Variants in TASOR observed in about 807,000 individuals in gnomAD.
TASOR encodes the protein protein TASOR.
In TASOR, 53 loss-of-function variants were observed where a neutral mutation model predicts 178.6. The ratio of observed to expected loss-of-function variants is 0.30; its 90% CI spans 0.24 to 0.37. The LOEUF is 0.37. TASOR is among the 10% of genes least tolerant of loss of function. The pLI is 1.00. For missense variants in TASOR, 1,815 were observed against 1,971.4 expected (o/e 0.92, Z 1.50); for synonymous variants, 713 against 696.2 (o/e 1.02, Z -0.38).
chr3:56,623,706 G>A, intron 23 of TASOR, 140 bp from the exon 24 acceptor site: 3 of 1,542,226 alleles, frequency 1.9e-6, no homozygotes, highest in Non-Finnish European at 2.6e-6. Context: ...TCTGCCACAA[G>A]TTCACTTAGT....
At chr3:56,634,421 A>C (rs1286779861) in intron 17 of TASOR, among the ~76,000 whole-genome samples, 1 of 152,244 alleles carries the variant, frequency 6.6e-6, no homozygotes, top group African/African-American at 2.4e-5. Flanking sequence ...AATACCAAAC[A>C]GAAATGCTGT....
intron 2 of TASOR, among the ~76,000 whole-genome samples, chr3:56,673,107 A>G (rs549672702): frequency 2.6e-5 from 4 of 152,344 alleles, no homozygotes; most frequent in African/African-American, 9.6e-5. Context: ...CACCATGCTC[A>G]GCTGAATTTA....
chr3:56,621,774 T>C lies in TASOR; in HGVS notation c.*1263A>G. 2 of 393,722 alleles carry C rather than the reference T, an allele frequency of 5.1e-6. No homozygotes were observed. The highest frequency in any genetic ancestry group is 6.2e-5 in the South Asian group (1 of 16,006). The allele number at this position is 393,722 out of a possible 1,614,324, so 24.4% of individuals were successfully genotyped here. On this transcript the variant is annotated 3_prime_UTR_variant, in exon 24 of 24. Coordinates refer to ENST00000683822, the MANE Select transcript of TASOR (RefSeq NM_001365635.2). ...ACTATGTAGTAAAATGCTGTACTTG[T>C]TCTATACAATAAAACAGATACTTCT...
chr3:56,678,658 TATC>T (rs2031533120), intron 1 of TASOR, among the ~76,000 whole-genome samples: 1 of 152,180 alleles, frequency 6.6e-6, no homozygotes, highest in South Asian at 2.1e-4. Flanking sequence ...CAAAAAATAT[TATC>T]ATATATACAT....
At chr3:56,675,717 T>A (rs1313017169) in intron 1 of TASOR, among the ~76,000 whole-genome samples, 1 of 152,176 alleles carries the variant, frequency 6.6e-6, no homozygotes, top group Non-Finnish European at 1.5e-5. Flanking sequence ...CACTATTTAA[T>A]AAGGGTCAAG....
At chr3:56,663,492 T>C in intron 8 of TASOR, 49 bp downstream of exon 8, 1 of 950,292 alleles carries the variant, frequency 1.1e-6, no homozygotes, top group Non-Finnish European at 1.5e-6. Context: ...TTTTGCTATA[T>C]GTACTTATTC....
chr3:56,672,741 CTTCA>C (rs1179630841), intron 2 of TASOR, among the ~76,000 whole-genome samples: 1 of 152,164 alleles, frequency 6.6e-6, no homozygotes, highest in Non-Finnish European at 1.5e-5. Flanking sequence ...ATATATTTGA[CTTCA>C]TTAATTACCT....
chr3:56,680,706 T>C (rs1272547574), intron 1 of TASOR, among the ~76,000 whole-genome samples: 1 of 152,200 alleles, frequency 6.6e-6, no homozygotes, highest in Non-Finnish European at 1.5e-5. Flanking sequence ...TTTAAATCGC[T>C]ATTTTACTAT....
chr3:56,666,156 A>C, intron 7 of TASOR, 104 bp downstream of exon 7: 1 of 1,071,042 alleles, frequency 9.3e-7, no homozygotes, highest in South Asian at 3.6e-5. Context: ...GGAAGTTAAA[A>C]AAAAAAAAAT....
At chr3:56,623,889 T>C (rs976938290) in intron 23 of TASOR, 2 of 1,498,758 alleles carry the variant, frequency 1.3e-6, no homozygotes, top group African/African-American at 1.4e-5. Flanking sequence ...AAATATAAAA[T>C]AAAATTTTTT....
At position 56,627,033 on chromosome 3, in the gene TASOR, T is replaced by C; in HGVS notation, c.4139+4A>G. The C allele has an allele frequency of 6.4e-7, 1 of 1,553,616 alleles. No individual in the cohort carries two copies. The highest frequency in any genetic ancestry group is 8.8e-7 in the Non-Finnish European group (1 of 1,131,662). On this transcript the variant is annotated splice_donor_region_variant and intron_variant, in intron 21 of 23. Transcript: ENST00000683822. ...CCATTATATAGTTATGTTTCAAAGC[T>C]TACCTGCCTAGTTCCTTTAGTTTCT...
At position 56,621,841 on chromosome 3, in the gene TASOR, G is replaced by C. The variant is rs368854182; in HGVS notation, c.*1196C>G. 1.7e-3 allele frequency: 422 copies of C among 247,512 alleles called. 6 individuals carry two copies. The highest frequency in any genetic ancestry group is 9.6e-3 in the African/African-American group (405 of 42,152). The allele number at this position is 247,512 out of a possible 1,614,324, so 15.3% of individuals were successfully genotyped here. On this transcript the variant is annotated 3_prime_UTR_variant, in exon 24 of 24. Coordinates refer to ENST00000683822, the MANE Select transcript of TASOR (RefSeq NM_001365635.2). ...AGTAAAAAAAAAAAAAAAAAAACCG[G>C]TTCTTCTGCTCTGTCACCACCTGGG...
intron 13 of TASOR, among the ~76,000 whole-genome samples, chr3:56,648,312 A>G (rs1559833189): frequency 6.6e-6 from 1 of 151,662 alleles, no homozygotes; most frequent in African/African-American, 2.4e-5. Flanking sequence ...ACTGATAAAC[A>G]CAAATTAATT....
In TASOR at chr3:56,648,507, T is replaced by C. The variant is rs2077281713; in HGVS notation, c.1513+315A>G. ...TAGCTGGGAGTGGTGGTAGATGCCT[T>C]GTAATCCCAGCTACTCAGGAGGCTG... is the stretch of plus-strand genomic sequence containing the variant. On this transcript the variant is annotated intron_variant, in intron 13 of 23. Coordinates refer to ENST00000683822, the MANE Select transcript of TASOR (RefSeq NM_001365635.2). Among the ~76,000 whole-genome samples, 4 of 151,196 alleles carry C rather than the reference T, an allele frequency of 2.6e-5. No individual in the cohort carries two copies. In the South Asian group the frequency reaches 8.4e-4, roughly 32 times the overall value.
At chr3:56,670,518 T>C (rs1432110257) in intron 3 of TASOR, among the ~76,000 whole-genome samples, 1 of 152,142 alleles carries the variant, frequency 6.6e-6, no homozygotes, top group Non-Finnish European at 1.5e-5. Context: ...TTTTCAATCA[T>C]TTTTCTTCAT....
At chr3:56,675,267 C>G (rs1197952851) in intron 1 of TASOR, among the ~76,000 whole-genome samples, 1 of 151,850 alleles carries the variant, frequency 6.6e-6, no homozygotes, top group East Asian at 1.9e-4. Context: ...CTCCGCGCCT[C>G]CCAGGTTCAA....
chr3:56,662,764 A>G (rs2077624656), intron 8 of TASOR, among the ~76,000 whole-genome samples: 1 of 152,234 alleles, frequency 6.6e-6, no homozygotes, highest in African/African-American at 2.4e-5. Flanking sequence ...GTTGGGGAGC[A>G]AAGACAAGAT....
chr3:56,680,697 T>C (rs959569682), intron 1 of TASOR, among the ~76,000 whole-genome samples: 1 of 152,150 alleles, frequency 6.6e-6, no homozygotes, highest in Non-Finnish European at 1.5e-5. Flanking sequence ...AAAGTTCTAT[T>C]TAAATCGCTA....
intron 14 of TASOR, among the ~76,000 whole-genome samples, chr3:56,645,964 T>C (rs901107068): frequency 6.6e-6 from 1 of 152,098 alleles, no homozygotes; most frequent in African/African-American, 2.4e-5. Flanking sequence ...CTGGCTCACA[T>C]GGTGAAACCC....
Sources: allele counts gnomAD v4.1 joint callset (sites outside exome capture counted in the v4.1 genomes callset), GRCh38; gene constraint gnomAD v4.1.1; transcripts MANE v1.5; gene names NCBI Gene and HGNC (gene_info 2026-07-23, HGNC 2026-07-21).